Variants in NDUFAF2 observed in about 807,000 individuals in gnomAD.
NDUFAF2 encodes NADH:ubiquinone oxidoreductase complex assembly factor 2, also known as NADH dehydrogenase [ubiquinone] 1 alpha subcomplex assembly factor 2.
NDUFAF2 carries 13 observed loss-of-function variants against 22.8 expected under a neutral mutation model. The ratio of observed to expected loss-of-function variants is 0.57; its 90% CI spans 0.37 to 0.91. The LOEUF is 0.91. Ranked by LOEUF, NDUFAF2 falls within the 40% of genes least tolerant of loss-of-function variation. The pLI is 0.01. For synonymous variants in NDUFAF2, 53 were observed against 64.2 expected (o/e 0.83, Z 0.84); for missense variants, 162 against 195.2 (o/e 0.83, Z 1.01).
intron 1 of NDUFAF2, among the ~76,000 whole-genome samples, chr5:61,000,402 CT>C (rs2079396584): frequency 6.6e-6 from 1 of 152,052 alleles, no homozygotes; most frequent in South Asian, 2.1e-4. Context: ...CAGAGGTTAC[CT>C]TTCAACACTT....
At chr5:61,065,412 A>T (rs907537015) in intron 1 of NDUFAF2, among the ~76,000 whole-genome samples, 1 of 152,100 alleles carries the variant, frequency 6.6e-6, no homozygotes, top group Non-Finnish European at 1.5e-5. Context: ...CTACAGGCCA[A>T]TTTTTCTGAT....
intron 1 of NDUFAF2, among the ~76,000 whole-genome samples, chr5:60,985,446 G>A (rs1283119384): frequency 6.6e-6 from 1 of 152,040 alleles, no homozygotes; most frequent in Non-Finnish European, 1.5e-5. Flanking sequence ...GCTTTTGAAT[G>A]TGTTTGCTCT....
At chr5:61,144,763 C>G (rs899816132) in intron 3 of NDUFAF2, among the ~76,000 whole-genome samples, 10 of 152,156 alleles carry the variant, frequency 6.6e-5, no homozygotes, top group Non-Finnish European at 1.0e-4. Flanking sequence ...CTTAGCCTTC[C>G]CTCAGATATT....
At chr5:61,019,996 T>C (rs10939879) in intron 1 of NDUFAF2, among the ~76,000 whole-genome samples, 62,317 of 152,032 alleles carry the variant, frequency 0.41, 13,747 homozygotes, top group East Asian at 0.81. Context: ...TCTTTAATAG[T>C]AGCAGATTCT....
rs1390304521 is a variant in NDUFAF2, at chr5:61,152,945, A to G, written c.500A>G (p.His167Arg). The change falls in exon 4 of 4, where the codon CAC becomes CGC. Residue 167 changes from histidine to arginine, a missense_variant. By Grantham distance (29) the His-to-Arg change is conservative. Around this residue, in one of 2 missense-constraint regions of NDUFAF2, gnomAD observed 68 missense variants for 110.0 expected, o/e 0.62. Coordinates refer to ENST00000296597, the MANE Select transcript of NDUFAF2 (RefSeq NM_174889.5). ...GSWMPRDGKS[H>R]NQ is the part of the protein sequence containing the mutation. The stretch of plus-strand genomic sequence containing the variant: ...TGGATGCCACGAGATGGCAAGAGCC[A>G]CAATCAATGAATGCATTATGGTCAA... The G allele has an allele frequency of 6.2e-7, 1 of 1,613,992 alleles. No homozygotes were observed. The highest frequency in any genetic ancestry group is 8.5e-7 in the Non-Finnish European group (1 of 1,179,914).
At chr5:61,088,216 C>T (rs1200760610) in intron 2 of NDUFAF2, among the ~76,000 whole-genome samples, 1 of 152,038 alleles carries the variant, frequency 6.6e-6, no homozygotes, top group Non-Finnish European at 1.5e-5. Flanking sequence ...TTCCTTACAG[C>T]CAGCCAGGGG....
At chr5:60,959,146 T>G (rs975717821) in intron 1 of NDUFAF2, among the ~76,000 whole-genome samples, 1 of 152,128 alleles carries the variant, frequency 6.6e-6, no homozygotes, top group Non-Finnish European at 1.5e-5. Flanking sequence ...ATGGTCAGAA[T>G]TATAAGTCAA....
chr5:60,952,058 G>A (rs1450029997), intron 1 of NDUFAF2, among the ~76,000 whole-genome samples: 1 of 151,400 alleles, frequency 6.6e-6, no homozygotes, highest in Non-Finnish European at 1.5e-5. Context: ...ACAATTTGTA[G>A]TGATATCCTC....
intron 1 of NDUFAF2, among the ~76,000 whole-genome samples, chr5:61,062,259 C>G (rs1752173851): frequency 6.6e-6 from 1 of 151,934 alleles, no homozygotes; most frequent in South Asian, 2.1e-4. Context: ...AAATAATGAA[C>G]CTGAGGAAAC....
chr5:61,141,246 T>A (rs988108602), intron 3 of NDUFAF2, among the ~76,000 whole-genome samples: 10 of 151,432 alleles, frequency 6.6e-5, no homozygotes, highest in Non-Finnish European at 1.5e-5. Flanking sequence ...AAAAATTAAT[T>A]AATAATAATA....
chr5:61,132,475 G>T (rs550960384), intron 3 of NDUFAF2, among the ~76,000 whole-genome samples: 18 of 151,442 alleles, frequency 1.2e-4, no homozygotes, highest in Non-Finnish European at 2.5e-4. Flanking sequence ...CTGGAACATC[G>T]CTGAGCCTCT....
chr5:61,053,800 G>A (rs1385140002), intron 1 of NDUFAF2, among the ~76,000 whole-genome samples: 1 of 152,086 alleles, frequency 6.6e-6, no homozygotes, highest in Non-Finnish European at 1.5e-5. Flanking sequence ...ATATAGACAT[G>A]AAATGAGAGG....
At chr5:61,016,235 A>C (rs767410612) in intron 1 of NDUFAF2, among the ~76,000 whole-genome samples, 4 of 152,126 alleles carry the variant, frequency 2.6e-5, no homozygotes, top group Non-Finnish European at 5.9e-5. Context: ...TTGGGATTTA[A>C]AAGTATTATA....
rs569152704 is a variant in NDUFAF2, at chr5:60,967,481, A to G, written c.127+22099A>G. Among the ~76,000 whole-genome samples the G allele has an allele frequency of 3.9e-5, 6 of 152,098 alleles. 1 individual carries two copies. The highest frequency in any genetic ancestry group is 6.5e-5 in the Admixed American group (1 of 15,292). ...AGTATGTTAACTATATGTTTATCAT[A>G]TATGGCCTTTATTGCATTGAGATAT... On this transcript the variant is annotated intron_variant, in intron 1 of 3. Transcript: ENST00000296597.
intron 1 of NDUFAF2, among the ~76,000 whole-genome samples, chr5:61,031,156 T>C (rs577113024): frequency 2.6e-5 from 4 of 152,258 alleles, no homozygotes; most frequent in South Asian, 4.1e-4. Flanking sequence ...CAAATCACTA[T>C]TATGTTTTCT....
At chr5:61,026,019 C>G (rs1456192663) in intron 1 of NDUFAF2, among the ~76,000 whole-genome samples, 1 of 151,952 alleles carries the variant, frequency 6.6e-6, no homozygotes, top group African/African-American at 2.4e-5. Context: ...CTTGTTTGAG[C>G]CTTATGGGAA....
At chr5:61,032,657 G>A (rs1028155527) in intron 1 of NDUFAF2, among the ~76,000 whole-genome samples, 1 of 152,172 alleles carries the variant, frequency 6.6e-6, no homozygotes, top group Admixed American at 6.6e-5. Context: ...GTCAGGTAGT[G>A]TGATGCCTCC....
At chr5:61,069,500 G>A (rs2111726681) in intron 1 of NDUFAF2, among the ~76,000 whole-genome samples, 1 of 152,216 alleles carries the variant, frequency 6.6e-6, no homozygotes, top group African/African-American at 2.4e-5. Flanking sequence ...GTGATTACAT[G>A]AATATTTTTT....
intron 1 of NDUFAF2, among the ~76,000 whole-genome samples, chr5:60,972,036 G>A (rs1400705476): frequency 6.9e-5 from 10 of 144,116 alleles, no homozygotes; most frequent in Admixed American, 2.1e-4. Context: ...GCCACCTCCC[G>A]AGTTCAAGCA....
Sources: allele counts gnomAD v4.1 joint callset (sites outside exome capture counted in the v4.1 genomes callset), GRCh38; gene constraint gnomAD v4.1.1; regional missense constraint gnomAD v4.1.1; transcripts MANE v1.5; gene names NCBI Gene and HGNC (gene_info 2026-07-23, HGNC 2026-07-21).